Variants in LIMA1 observed in about 807,000 individuals in gnomAD.
The protein encoded by LIMA1 is LIM domain and actin binding 1.
In LIMA1, 52 loss-of-function variants were observed where a neutral mutation model predicts 62.6. The ratio of observed to expected loss-of-function variants is 0.83; its 90% CI spans 0.67 to 1.05. LIMA1 has a LOEUF of 1.05. Ranked by LOEUF, LIMA1 falls within the 50% of genes least tolerant of loss-of-function variation. The pLI, the probability that LIMA1 is intolerant of heterozygous loss-of-function variation, is 0.00. For missense variants in LIMA1, 780 were observed against 902.2 expected, an observed-to-expected ratio of 0.86 and a Z score of 1.74; for synonymous variants, 302 against 317.8, an observed-to-expected ratio of 0.95 and a Z score of 0.53.
intron 1 of LIMA1, among the ~76,000 whole-genome samples, chr12:50,269,880 A>G (rs1290501872): frequency 6.8e-6 from 1 of 147,422 alleles, no homozygotes; most frequent in Non-Finnish European, 1.5e-5. Context: ...AGATCACACC[A>G]TTGCACTCCA....
Position 50,241,933 on chromosome 12 carries a change from A to ATTTTTTTTTTTTTT in LIMA1, c.119+6686_119+6699dup, listed in dbSNP as rs577308413. 4.7e-4 allele frequency among the ~76,000 whole-genome samples: 17 copies of ATTTTTTTTTTTTTT among 36,434 alleles called. 2 individuals are homozygous for ATTTTTTTTTTTTTT. Among genetic ancestry groups the ATTTTTTTTTTTTTT allele is most frequent in the Non-Finnish European group, 5.4e-4 (11 of 20,246 alleles). The allele number at this position is 36,434 out of a possible 152,430, so 23.9% of individuals were successfully genotyped here. ...AATTTTGTTCCTCTTTCCTTCCCAG[A>ATTTTTTTTTTTTTT]TTTTTTTTTTTTTTTTTTTTTTTTT... is the stretch of plus-strand genomic sequence containing the variant. On this transcript the variant is annotated intron_variant, in intron 2 of 10. Transcript: ENST00000341247.
chr12:50,267,802 G>C (rs1726041060), intron 1 of LIMA1, among the ~76,000 whole-genome samples: 2 of 152,084 alleles, frequency 1.3e-5, no homozygotes, highest in African/African-American at 4.8e-5. Flanking sequence ...ACAGGCATGA[G>C]CCACCACACC....
intron 3 of LIMA1, among the ~76,000 whole-genome samples, chr12:50,226,901 T>G (rs1306455538): frequency 1.5e-5 from 2 of 131,522 alleles, no homozygotes; most frequent in East Asian, 4.7e-4. Context: ...AATTTAGTAA[T>G]TCTTTTTCTT....
chr12:50,200,094 C>G (rs910204242), intron 7 of LIMA1, among the ~76,000 whole-genome samples: 40 of 151,922 alleles, frequency 2.6e-4, no homozygotes, highest in African/African-American at 7.5e-4. Context: ...GGGGTTTCTC[C>G]ATGTTGGTCA....
In LIMA1 at chr12:50,232,370, T is replaced by G. The variant is rs139498783; in HGVS notation, c.120-660A>C. Among the ~76,000 whole-genome samples the G allele has an allele frequency of 9.5e-4, 143 of 150,056 alleles. 1 individual carries two copies. The highest frequency in any genetic ancestry group is 3.3e-3 in the African/African-American group (135 of 40,622). ...AGCCACCAGCCCGGCTACTTTCTTT[T>G]TTCTTTTTTTTTTTTTTGAGATGGG... On this transcript the variant is annotated intron_variant, in intron 2 of 10. Transcript: ENST00000341247.
At chr12:50,217,812 GA>G in intron 4 of LIMA1, 1 of 295,558 alleles carries the variant, frequency 3.4e-6, no homozygotes, top group Non-Finnish European at 6.8e-6. Flanking sequence ...TCCAGCCTGG[GA>G]AGTACACAGG....
chr12:50,250,313 A>C (rs1941911856), intron 1 of LIMA1, among the ~76,000 whole-genome samples: 1 of 141,968 alleles, frequency 7.0e-6, no homozygotes, highest in Non-Finnish European at 1.5e-5. Context: ...AAAAAAAAAA[A>C]GGTCCTGGGT....
chr12:50,219,371 G>A (rs1054636913), intron 4 of LIMA1, among the ~76,000 whole-genome samples: 1 of 152,096 alleles, frequency 6.6e-6, no homozygotes, highest in Non-Finnish European at 1.5e-5. Context: ...TATAATCCCA[G>A]CTATTTGGGA....
At chr12:50,245,745 C>T (rs1284976341) in intron 2 of LIMA1, among the ~76,000 whole-genome samples, 3 of 151,758 alleles carry the variant, frequency 2.0e-5, no homozygotes, top group African/African-American at 7.3e-5. Flanking sequence ...TAGAAGCCAG[C>T]GTCCCCTGGA....
At chr12:50,216,483 G>A (rs1489867356) in intron 4 of LIMA1, among the ~76,000 whole-genome samples, 1 of 152,052 alleles carries the variant, frequency 6.6e-6, no homozygotes, top group African/African-American at 2.4e-5. Flanking sequence ...CCAAAGTGCT[G>A]GAATTACAGG....
At chr12:50,246,841 A>T (rs1159780084) in intron 2 of LIMA1, among the ~76,000 whole-genome samples, 1 of 152,020 alleles carries the variant, frequency 6.6e-6, no homozygotes, top group Non-Finnish European at 1.5e-5. Flanking sequence ...CACTGCTTTG[A>T]CTCCACAAGT....
At chr12:50,183,648 T>TA (rs1940556674) in intron 9 of LIMA1, among the ~76,000 whole-genome samples, 3 of 151,486 alleles carry the variant, frequency 2.0e-5, no homozygotes, top group Non-Finnish European at 4.4e-5. Flanking sequence ...CCATCTCTAC[T>TA]AAAAATACAA....
At chr12:50,255,181 G>T (rs1440918177) in intron 1 of LIMA1, among the ~76,000 whole-genome samples, 3 of 151,778 alleles carry the variant, frequency 2.0e-5, no homozygotes, top group Non-Finnish European at 4.4e-5. Context: ...CTCCTGAGAT[G>T]GTTACTTATT....
At chr12:50,272,312 G>A (rs764444767) in intron 1 of LIMA1, among the ~76,000 whole-genome samples, 1 of 151,804 alleles carries the variant, frequency 6.6e-6, no homozygotes, top group Non-Finnish European at 1.5e-5. Flanking sequence ...GAAGCTGGCC[G>A]GGCACGGTGG....
chr12:50,271,694 T>C (rs1306192364), intron 1 of LIMA1, among the ~76,000 whole-genome samples: 4 of 152,226 alleles, frequency 2.6e-5, no homozygotes, highest in Non-Finnish European at 4.4e-5. Flanking sequence ...AAGCACAGAC[T>C]TCCTCTGAAC....
At chr12:50,258,484 A>G (rs757854224) in intron 1 of LIMA1, among the ~76,000 whole-genome samples, 2 of 151,752 alleles carry the variant, frequency 1.3e-5, no homozygotes, top group Non-Finnish European at 2.9e-5. Context: ...TTTTGTAGAG[A>G]CAGAGTCTCC....
intron 1 of LIMA1, among the ~76,000 whole-genome samples, chr12:50,253,468 AT>A (rs1248312907): frequency 2.0e-5 from 3 of 152,188 alleles, no homozygotes; most frequent in Non-Finnish European, 4.4e-5. Flanking sequence ...TCCAAAGTCC[AT>A]TTTCTTTCAA....
intron 1 of LIMA1, among the ~76,000 whole-genome samples, chr12:50,278,346 C>G (rs940044228): frequency 2.0e-5 from 3 of 152,102 alleles, no homozygotes; most frequent in African/African-American, 7.2e-5. Context: ...GGCATGAACC[C>G]GGGACGTGGA....
chr12:50,236,504 T>C (rs1020883233), intron 2 of LIMA1, among the ~76,000 whole-genome samples: 2 of 151,912 alleles, frequency 1.3e-5, no homozygotes, highest in Non-Finnish European at 2.9e-5. Flanking sequence ...TTCACCATGT[T>C]GGCCAGACTG....
Sources: gnomAD v4.1 joint callset for allele counts (sites outside exome capture counted in the v4.1 genomes callset) on GRCh38, gnomAD v4.1.1 for gene constraint, MANE v1.5 for transcripts, NCBI Gene and HGNC (gene_info 2026-07-23, HGNC 2026-07-21) for gene names.